SYNPR: variants seen among roughly 807,000 people sequenced by gnomAD.
The protein encoded by SYNPR is synaptoporin.
A neutral mutation model predicts 32.9 loss-of-function variants in SYNPR; 23 were observed. The observed-to-expected ratio is 0.70, with a 90% CI of 0.50 to 0.99. The LOEUF is 0.99. Among genes scored for constraint, SYNPR ranks in the 50% least tolerant of loss-of-function variants. SYNPR has a pLI of 0.00. For missense variants in SYNPR, 318 were observed against 349.3 expected (o/e 0.91, Z 0.71); for synonymous variants, 146 against 135.9 (o/e 1.07, Z -0.52).
At chr3:63,383,993 C>T (rs1040032588) in intron 2 of SYNPR, among the ~76,000 whole-genome samples, 29 of 152,160 alleles carry the variant, frequency 1.9e-4, no homozygotes, top group African/African-American at 6.3e-4. Context: ...TTTAAAGGCT[C>T]GGTATTTCAG....
chr3:63,397,855 T>C (rs879665835), intron 2 of SYNPR, among the ~76,000 whole-genome samples: 2 of 152,234 alleles, frequency 1.3e-5, no homozygotes, highest in Non-Finnish European at 2.9e-5. Context: ...AATTCTCTTA[T>C]CTTTTGGGGC....
chr3:63,268,710 G>C (rs1384093783), intron 3 of SYNPR, among the ~76,000 whole-genome samples: 1 of 151,970 alleles, frequency 6.6e-6, no homozygotes, highest in African/African-American at 2.4e-5. Context: ...CTCAGGGGTG[G>C]TGGAGGTGGA....
At chr3:63,229,643 C>T (rs1378861527) in intron 1 of SYNPR, among the ~76,000 whole-genome samples, 1 of 152,128 alleles carries the variant, frequency 6.6e-6, no homozygotes. Flanking sequence ...ACTGATTCTG[C>T]CATACTGAAG....
In SYNPR at chr3:63,403,441, TACACACAC is replaced by T. The variant is rs10559096; in HGVS notation, c.85-77369_85-77362del. ...ACATTCTCATACGTATGTATACACA[TACACACAC>T]ACACACACACACACACACACATAGA... On this transcript the variant is annotated intron_variant, in intron 2 of 5. Transcript: ENST00000478300. Among the ~76,000 whole-genome samples the T allele has an allele frequency of 2.1e-5, 3 of 145,932 alleles. No individual in the cohort carries two copies. In the Admixed American group the frequency reaches 2.1e-4, roughly 10 times the overall value.
chr3:63,508,188 C>T (rs1357945966), intron 3 of SYNPR, among the ~76,000 whole-genome samples: 1 of 152,084 alleles, frequency 6.6e-6, no homozygotes, highest in Non-Finnish European at 1.5e-5. Context: ...TCTATTTCTG[C>T]TTCCTTCTGT....
chr3:63,610,724 C>A (rs1239039502), intron 5 of SYNPR, among the ~76,000 whole-genome samples: 1 of 152,188 alleles, frequency 6.6e-6, no homozygotes, highest in Non-Finnish European at 1.5e-5. Flanking sequence ...AAACCCTGAT[C>A]TCAAAATCTA....
the SYNPR span, among the ~76,000 whole-genome samples, chr3:63,201,813 A>G: frequency 0.015 from 2,235 of 152,294 alleles, 58 homozygotes; most frequent in African/African-American, 0.051. Flanking sequence ...CAAGAAAATT[A>G]TATATGTGGA....
chr3:63,242,520 C>T (rs1232781378), intron 1 of SYNPR, among the ~76,000 whole-genome samples: 1 of 152,106 alleles, frequency 6.6e-6, no homozygotes, highest in Non-Finnish European at 1.5e-5. Flanking sequence ...TGTGAATTAA[C>T]ACCACTAGTA....
intron 2 of SYNPR, among the ~76,000 whole-genome samples, chr3:63,428,812 G>A (rs1289855594): frequency 6.6e-6 from 1 of 152,216 alleles, no homozygotes; most frequent in African/African-American, 2.4e-5. Context: ...ATTGGGGATT[G>A]CAAGGCAGCT....
chr3:63,271,958 A>G, intron 3 of SYNPR, among the ~76,000 whole-genome samples: 1 of 152,162 alleles, frequency 6.6e-6, no homozygotes, highest in South Asian at 2.1e-4. Context: ...TAGGGGTTCA[A>G]AGAGAAAGGA....
chr3:63,348,300 T>C (rs1454980317), intron 2 of SYNPR, among the ~76,000 whole-genome samples: 1 of 152,222 alleles, frequency 6.6e-6, no homozygotes, highest in Non-Finnish European at 1.5e-5. Flanking sequence ...CATTTTTTCA[T>C]ATGCTTGTTG....
chr3:63,525,745 G>C (rs1311168702), intron 3 of SYNPR, among the ~76,000 whole-genome samples: 1 of 152,212 alleles, frequency 6.6e-6, no homozygotes, highest in East Asian at 1.9e-4. Context: ...ATCTCTTGAA[G>C]ACAAGCCTGC....
intron 2 of SYNPR, among the ~76,000 whole-genome samples, chr3:63,397,449 T>G (rs1178110128): frequency 6.6e-6 from 1 of 152,212 alleles, no homozygotes; most frequent in Non-Finnish European, 1.5e-5. Flanking sequence ...TGCCTCCCTT[T>G]CACTTATTCC....
intron 2 of SYNPR, among the ~76,000 whole-genome samples, chr3:63,354,705 A>G (rs944832010): frequency 6.6e-6 from 1 of 152,218 alleles, no homozygotes; most frequent in Non-Finnish European, 1.5e-5. Flanking sequence ...CTGACATAGT[A>G]AATACTATAT....
intron 2 of SYNPR, chr3:63,267,264 T>C (rs2086497979): frequency 6.6e-6 from 1 of 152,204 alleles, no homozygotes; most frequent in Non-Finnish European, 1.5e-5. Context: ...CATGAGTTTT[T>C]CCCACCAACC....
At chr3:63,281,781 T>C (rs1439056078) in intron 2 of SYNPR, among the ~76,000 whole-genome samples, 1 of 152,216 alleles carries the variant, frequency 6.6e-6, no homozygotes, top group Non-Finnish European at 1.5e-5. Context: ...AGAATATTTA[T>C]TGCAACATCA....
rs1023490538 is a variant in SYNPR at position 63,610,494 on chromosome 3, G to A, written c.600+1178G>A. The A allele has an allele frequency of 1.6e-5, 11 of 698,708 alleles. 1 individual carries two copies. Among genetic ancestry groups the A allele is most frequent in the Admixed American group, 6.0e-5 (3 of 49,752 alleles). 43.3% of individuals were successfully genotyped at this position (698,708 alleles called of 1,614,324 possible). On this transcript the variant is annotated intron_variant, in intron 5 of 5. Coordinates refer to ENST00000478300, the MANE Select transcript of SYNPR (RefSeq NM_001130003.2). Reference sequence around the variant, plus strand: ...TACAGCTTTCTGAAATTCAATCTGCGAAGGCACTTAAGAAGAGAGAAAGGG... The same window carrying A: ...TACAGCTTTCTGAAATTCAATCTGCAAAGGCACTTAAGAAGAGAGAAAGGG...
intron 2 of SYNPR, among the ~76,000 whole-genome samples, chr3:63,435,125 G>A (rs1010647213): frequency 6.6e-6 from 1 of 152,190 alleles, no homozygotes; most frequent in Non-Finnish European, 1.5e-5. Flanking sequence ...TGCTAAACTT[G>A]CGCACATTCG....
chr3:63,582,218 T>G (rs910392647), intron 4 of SYNPR, among the ~76,000 whole-genome samples: 2 of 152,120 alleles, frequency 1.3e-5, no homozygotes, highest in Admixed American at 6.6e-5. Context: ...GGGGGAGCTC[T>G]GAAAACTGGT....
Sources: allele counts gnomAD v4.1 joint callset (sites outside exome capture counted in the v4.1 genomes callset), GRCh38; gene constraint gnomAD v4.1.1; transcripts MANE v1.5; gene names NCBI Gene and HGNC (gene_info 2026-07-23, HGNC 2026-07-21).